Variants in PACRG observed in about 807,000 individuals in gnomAD.
The protein encoded by PACRG is parkin coregulated gene protein.
PACRG carries 29 observed loss-of-function variants against 29.7 expected under a neutral mutation model. That is an observed-to-expected ratio of 0.98 (90% CI 0.73 to 1.33). The LOEUF (loss-of-function observed/expected upper bound fraction) is 1.33. Ranked by LOEUF, PACRG falls within the 40% of genes most tolerant of loss-of-function variation. The pLI, the probability that PACRG is intolerant of heterozygous loss-of-function variation, is 0.00. For synonymous variants in PACRG, 116 were observed against 118.7 expected, an observed-to-expected ratio of 0.98 and a Z score of 0.15; for missense variants, 279 against 316.2, an observed-to-expected ratio of 0.88 and a Z score of 0.89.
intron 2 of PACRG, among the ~76,000 whole-genome samples, chr6:162,842,036 T>C (rs1362132825): frequency 4.0e-5 from 6 of 150,272 alleles, no homozygotes; most frequent in East Asian, 2.0e-4. Context: ...AATTTTAGAA[T>C]AGGTGTGGTG....
chr6:162,998,207 A>G (rs923163705), intron 2 of PACRG, among the ~76,000 whole-genome samples: 2 of 152,164 alleles, frequency 1.3e-5, no homozygotes, highest in Non-Finnish European at 2.9e-5. Context: ...TTTCTAACCC[A>G]CCTTTTCCTG....
intron 1 of PACRG, among the ~76,000 whole-genome samples, chr6:162,785,877 A>G (rs1053344649): frequency 6.6e-6 from 1 of 152,126 alleles, no homozygotes; most frequent in Non-Finnish European, 1.5e-5. Context: ...TAGGATAACA[A>G]ACAAGTAAGA....
At chr6:163,294,154 T>A (rs1784708338) in intron 4 of PACRG, among the ~76,000 whole-genome samples, 1 of 152,164 alleles carries the variant, frequency 6.6e-6, no homozygotes, top group African/African-American at 2.4e-5. Context: ...AAATTGTACT[T>A]CTTTGTATTA....
chr6:162,835,687 G>T (rs2128400221), intron 2 of PACRG, among the ~76,000 whole-genome samples: 1 of 152,128 alleles, frequency 6.6e-6, no homozygotes. Context: ...TTGTTGTGTG[G>T]TGTTATATAT....
intron 2 of PACRG, among the ~76,000 whole-genome samples, chr6:162,990,254 A>C (rs1803324980): frequency 6.6e-6 from 1 of 151,560 alleles, no homozygotes; most frequent in Admixed American, 6.6e-5. Flanking sequence ...GTATATACCC[A>C]GTAATGGGAT....
At chr6:162,919,530 C>A (rs1241373660) in intron 2 of PACRG, among the ~76,000 whole-genome samples, 1 of 152,076 alleles carries the variant, frequency 6.6e-6, no homozygotes, top group Non-Finnish European at 1.5e-5. Context: ...AGCTAAGAGG[C>A]CAGTACAATT....
chr6:163,234,796 A>G (rs762286806), intron 4 of PACRG, among the ~76,000 whole-genome samples: 4 of 152,208 alleles, frequency 2.6e-5, no homozygotes, highest in Non-Finnish European at 4.4e-5. Flanking sequence ...CTGAGCAACA[A>G]TGCTGTCTTG....
chr6:162,847,159 C>T (rs1790475265), intron 2 of PACRG, among the ~76,000 whole-genome samples: 1 of 152,252 alleles, frequency 6.6e-6, no homozygotes, highest in South Asian at 2.1e-4. Context: ...CAGAGCTTCA[C>T]ACACTGACCA....
intron 4 of PACRG, among the ~76,000 whole-genome samples, chr6:163,117,101 G>A (rs922411876): frequency 5.9e-5 from 9 of 152,148 alleles, no homozygotes; most frequent in Non-Finnish European, 7.3e-5. Context: ...AGCCAGGAGA[G>A]GAAAATCAGA....
intron 2 of PACRG, among the ~76,000 whole-genome samples, chr6:162,846,988 G>A (rs1018012336): frequency 3.4e-5 from 5 of 145,936 alleles, no homozygotes; most frequent in African/African-American, 1.3e-4. Context: ...TCCCCACACT[G>A]CCCACTGTGC....
chr6:163,095,606 C>T (rs550053955), intron 4 of PACRG: 139 of 242,158 alleles, frequency 5.7e-4, no homozygotes, highest in African/African-American at 3.1e-3. Flanking sequence ...TTCTAGCTTC[C>T]GGAGGTGCCA....
chr6:162,750,928 G>A (rs186297688), intron 1 of PACRG, among the ~76,000 whole-genome samples: 150 of 152,232 alleles, frequency 9.9e-4, no homozygotes, highest in Admixed American at 1.8e-3. Flanking sequence ...ACTAGTGGTC[G>A]TGAGTTACGT....
At chr6:162,947,579 T>G (rs553556239) in intron 2 of PACRG, among the ~76,000 whole-genome samples, 1 of 43,330 alleles carries the variant, frequency 2.3e-5, no homozygotes. Context: ...TACTCATATA[T>G]AATCATATAT....
intron 1 of PACRG, among the ~76,000 whole-genome samples, chr6:162,735,256 C>G (rs1780078126): frequency 6.6e-6 from 1 of 152,158 alleles, no homozygotes; most frequent in African/African-American, 2.4e-5. Context: ...GGACATATTT[C>G]TGGGAGTGGA....
intron 2 of PACRG, among the ~76,000 whole-genome samples, chr6:162,818,425 G>A (rs1787540890): frequency 6.6e-6 from 1 of 152,088 alleles, no homozygotes; most frequent in Non-Finnish European, 1.5e-5. Flanking sequence ...TTTTCCATAT[G>A]GGCACCTGGG....
chr6:163,304,164 C>G (rs1373067944), intron 4 of PACRG, among the ~76,000 whole-genome samples: 1 of 152,008 alleles, frequency 6.6e-6, no homozygotes, highest in Non-Finnish European at 1.5e-5. Flanking sequence ...CCAGATGAAG[C>G]TACCTAGCTG....
chr6:162,936,818 G>A lies in PACRG; in HGVS notation c.291+122537G>A, dbSNP rs573063636. Among the ~76,000 whole-genome samples the A allele has an allele frequency of 6.3e-4, 94 of 149,580 alleles. 1 individual carries two copies. Among genetic ancestry groups the A allele is most frequent in the South Asian group, 3.4e-3 (16 of 4,732 alleles). On this transcript the variant is annotated intron_variant, in intron 2 of 4. Transcript: ENST00000366888. ...TTCAGAATTTTTTTTTTTTTAGTTT[G>A]GCTTATAGAGAGACCCATTTACTTT...
chr6:163,076,518 T>C (rs1458837772), intron 3 of PACRG, among the ~76,000 whole-genome samples: 1 of 152,178 alleles, frequency 6.6e-6, no homozygotes. Context: ...TTTCCAGATT[T>C]TAAGGGCAGA....
chr6:163,060,542 C>G (rs889203044), intron 2 of PACRG, among the ~76,000 whole-genome samples: 3 of 151,738 alleles, frequency 2.0e-5, no homozygotes, highest in African/African-American at 7.3e-5. Context: ...CTGTATAAAC[C>G]TACATTAGGG....
Sources: gnomAD v4.1 joint callset for allele counts (sites outside exome capture counted in the v4.1 genomes callset) on GRCh38, gnomAD v4.1.1 for gene constraint, MANE v1.5 for transcripts, NCBI Gene and HGNC (gene_info 2026-07-23, HGNC 2026-07-21) for gene names.